RAB11FIP4: variants seen among roughly 807,000 people sequenced by gnomAD.
RAB11FIP4 encodes the protein RAB11 family interacting protein 4.
In RAB11FIP4, 23 loss-of-function variants were observed where a neutral mutation model predicts 74.3. The ratio of observed to expected loss-of-function variants is 0.31; its 90% CI spans 0.22 to 0.44. The LOEUF (loss-of-function observed/expected upper bound fraction) is 0.44. RAB11FIP4 is among the 20% of genes least tolerant of loss of function. The pLI is 1.00. For synonymous variants in RAB11FIP4, 360 were observed against 359.9 expected (o/e 1.00, Z 0.00); for missense variants, 630 against 863.9 (o/e 0.73, Z 3.39).
At chr17:31,500,420 A>G (rs1193736437) in intron 3 of RAB11FIP4, among the ~76,000 whole-genome samples, 2 of 152,176 alleles carry the variant, frequency 1.3e-5, no homozygotes, top group Non-Finnish European at 2.9e-5. Flanking sequence ...AGGTAGCCAG[A>G]AATACTGTCT....
chr17:31,391,695 G>C lies in RAB11FIP4; in HGVS notation c.-158G>C. 2 of 369,586 alleles carry C rather than the reference G, an allele frequency of 5.4e-6. No homozygotes were observed. The highest frequency in any genetic ancestry group is 7.4e-6 in the Non-Finnish European group (2 of 269,142). 22.9% of individuals were successfully genotyped at this position (369,586 alleles called of 1,614,324 possible). A position where few individuals can be genotyped will look rare whatever the true frequency, so the allele number is the denominator to read the frequency against. ...CCTCCGGAGCGGCTGGGGCTGCGGC[G>C]CCGCTGCTGACACGGATCGGCCGCG... On this transcript the variant is annotated 5_prime_UTR_variant, in exon 1 of 15. Transcript: ENST00000621161.
chr17:31,453,450 A>G (rs944784615), intron 3 of RAB11FIP4, among the ~76,000 whole-genome samples: 1 of 151,198 alleles, frequency 6.6e-6, no homozygotes, highest in African/African-American at 2.4e-5. Flanking sequence ...GCTGTCACAT[A>G]CTACTTGGGC....
chr17:31,427,116 C>T (rs369044116), intron 1 of RAB11FIP4, among the ~76,000 whole-genome samples: 2 of 152,134 alleles, frequency 1.3e-5, no homozygotes, highest in African/African-American at 2.4e-5. Flanking sequence ...CACATGACCA[C>T]GCCTGGCTAA....
intron 3 of RAB11FIP4, among the ~76,000 whole-genome samples, chr17:31,474,885 A>C (rs2071776145): frequency 1.3e-5 from 2 of 151,344 alleles, no homozygotes; most frequent in African/African-American, 4.9e-5. Flanking sequence ...CAAAAAACAA[A>C]AAAAAAACAG....
intron 1 of RAB11FIP4, 105 bp from the exon 2 acceptor site, chr17:31,431,708 G>A (rs548235224): frequency 1.2e-5 from 10 of 818,036 alleles, no homozygotes; most frequent in African/African-American, 3.4e-5. Context: ...AGGACTGGGC[G>A]GGGACACTGG....
chr17:31,413,475 T>G (rs1480851388), intron 1 of RAB11FIP4, among the ~76,000 whole-genome samples: 1 of 107,666 alleles, frequency 9.3e-6, no homozygotes, highest in East Asian at 2.9e-4. Context: ...CGCCCCCATA[T>G]TTAGCCTCCC....
chr17:31,402,231 A>G (rs1597897259), intron 1 of RAB11FIP4, among the ~76,000 whole-genome samples: 1 of 146,928 alleles, frequency 6.8e-6, no homozygotes, highest in East Asian at 2.1e-4. Context: ...CCATCCATCC[A>G]CCCACCATCT....
chr17:31,515,480 G>A (rs1384575576), intron 3 of RAB11FIP4, among the ~76,000 whole-genome samples: 1 of 117,594 alleles, frequency 8.5e-6, no homozygotes, highest in Non-Finnish European at 2.2e-5. Flanking sequence ...TTTTAGCCCA[G>A]GGGTCTCCTG....
intron 3 of RAB11FIP4, among the ~76,000 whole-genome samples, chr17:31,500,988 A>G (rs1457825379): frequency 1.3e-5 from 2 of 151,258 alleles, no homozygotes; most frequent in African/African-American, 2.4e-5. Context: ...GTGCCACTGC[A>G]CTCCAGCCTG....
chr17:31,392,141 C>T (rs1196840651), intron 1 of RAB11FIP4, 130 bp downstream of exon 1: 1 of 729,666 alleles, frequency 1.4e-6, no homozygotes. Context: ...CTCCCTCCGC[C>T]GGAGCCCAGG....
At chr17:31,468,505 A>C (rs2142725989) in intron 3 of RAB11FIP4, among the ~76,000 whole-genome samples, 1 of 152,260 alleles carries the variant, frequency 6.6e-6, no homozygotes, top group South Asian at 2.1e-4. Flanking sequence ...TGGGGCCTGA[A>C]GCTCTTACCA....
intron 3 of RAB11FIP4, among the ~76,000 whole-genome samples, chr17:31,481,209 G>A (rs2071845690): frequency 6.6e-6 from 1 of 152,168 alleles, no homozygotes; most frequent in Admixed American, 6.5e-5. Flanking sequence ...TTCCCAAACT[G>A]CTGCATCAGA....
chr17:31,501,064 C>T (rs2072211343), intron 3 of RAB11FIP4, among the ~76,000 whole-genome samples: 1 of 151,850 alleles, frequency 6.6e-6, no homozygotes, highest in African/African-American at 2.4e-5. Flanking sequence ...CTTAGATTGG[C>T]ATATAGTGTT....
intron 3 of RAB11FIP4, among the ~76,000 whole-genome samples, chr17:31,498,853 T>C (rs2072165327): frequency 6.6e-6 from 1 of 152,182 alleles, no homozygotes; most frequent in Non-Finnish European, 1.5e-5. Context: ...ACCTTCACTT[T>C]GAGTGAAGTG....
intron 1 of RAB11FIP4, among the ~76,000 whole-genome samples, chr17:31,429,540 C>T (rs1307892434): frequency 6.6e-6 from 1 of 152,192 alleles, no homozygotes; most frequent in Non-Finnish European, 1.5e-5. Flanking sequence ...AAAAATTGGT[C>T]TCCTGGCTGG....
rs552375572 is a variant in RAB11FIP4 at position 31,397,906 on chromosome 17, C to T, written c.159+5895C>T. ...TTTTTTTTTAATTGAAACAGGCTCTCGCTTTGTAGCTCAGGCTGGAGTTCA... is the reference window on the plus strand; with the variant it reads ...TTTTTTTTTAATTGAAACAGGCTCTTGCTTTGTAGCTCAGGCTGGAGTTCA... On this transcript the variant is annotated intron_variant, in intron 1 of 14. Coordinates refer to ENST00000621161, the MANE Select transcript of RAB11FIP4 (RefSeq NM_032932.6). Among the ~76,000 whole-genome samples, 33 of 151,432 alleles carry T rather than the reference C, an allele frequency of 2.2e-4. No homozygotes were observed. In the South Asian group the frequency reaches 6.3e-3, roughly 29 times the overall value.
chr17:31,537,581 C>G lies in RAB11FIP4; in HGVS notation c.*5849C>G. The G allele has an allele frequency of 5.7e-6, 1 of 174,238 alleles. No individual in the cohort carries two copies. Among genetic ancestry groups the G allele is most frequent in the Non-Finnish European group, 1.2e-5 (1 of 82,268 alleles). 10.8% of individuals were successfully genotyped at this position (174,238 alleles called of 1,614,324 possible). A position where few individuals can be genotyped will look rare whatever the true frequency, so the allele number is the denominator to read the frequency against. ...GGGATATCATGGGACCGCAGCCGCT[C>G]CGTGCACTGTCTCTGCCCCCAGAGG... On this transcript the variant is annotated 3_prime_UTR_variant, in exon 15 of 15. Transcript: ENST00000621161.
At position 31,410,007 on chromosome 17, in the gene RAB11FIP4, C is replaced by G. The variant is rs537463746; in HGVS notation, c.159+17996C>G. ...CTCCCAGATTTCCAGCTTGCCGGCT[C>G]TATGACCTGGGATGGGCCTCTGTAC... On this transcript the variant is annotated intron_variant, in intron 1 of 14. Coordinates refer to ENST00000621161, the MANE Select transcript of RAB11FIP4 (RefSeq NM_032932.6). Among the ~76,000 whole-genome samples, 14 of 152,256 alleles carry G rather than the reference C, an allele frequency of 9.2e-5. No individual in the cohort carries two copies. In the East Asian group the frequency reaches 2.5e-3, roughly 27 times the overall value.
At chr17:31,524,262 A>T (rs1324127597) in intron 9 of RAB11FIP4, 1 of 445,218 alleles carries the variant, frequency 2.2e-6, no homozygotes, top group Non-Finnish European at 4.1e-6. Context: ...GGCTGGTCCA[A>T]GATGGGAGTG....
Sources: gnomAD v4.1 joint callset for allele counts (sites outside exome capture counted in the v4.1 genomes callset) on GRCh38, gnomAD v4.1.1 for gene constraint, MANE v1.5 for transcripts, NCBI Gene and HGNC (gene_info 2026-07-23, HGNC 2026-07-21) for gene names.